Variants in EXTL3 observed in about 807,000 individuals in gnomAD.
EXTL3 encodes the protein exostosin like glycosyltransferase 3.
In EXTL3, 27 loss-of-function variants were observed where a neutral mutation model predicts 69.3. The observed-to-expected ratio is 0.39, with a 90% CI of 0.29 to 0.54. The LOEUF (loss-of-function observed/expected upper bound fraction) is 0.54. EXTL3 is among the 20% of genes least tolerant of loss of function. The pLI, the probability that EXTL3 is intolerant of heterozygous loss-of-function variation, is 0.69. For missense variants in EXTL3, 1,003 were observed against 1,231.8 expected (o/e 0.81, Z 2.78); for synonymous variants, 511 against 499.4 (o/e 1.02, Z -0.31).
chr8:28,689,702 G>A (rs970247551), intron 1 of EXTL3, among the ~76,000 whole-genome samples: 1 of 152,152 alleles, frequency 6.6e-6, no homozygotes, highest in African/African-American at 2.4e-5. Flanking sequence ...TTTAAGGTAT[G>A]GATGAGTCTA....
chr8:28,708,608 T>G (rs1470584836), intron 1 of EXTL3, among the ~76,000 whole-genome samples: 2 of 152,126 alleles, frequency 1.3e-5, no homozygotes, highest in African/African-American at 4.8e-5. Context: ...TGTTAGTACT[T>G]AAAAACAAAA....
At chr8:28,702,177 C>T (rs1024881425) in intron 1 of EXTL3, among the ~76,000 whole-genome samples, 2 of 152,208 alleles carry the variant, frequency 1.3e-5, no homozygotes, top group Non-Finnish European at 2.9e-5. Context: ...CGCTTCTACA[C>T]GCAGTCGCCT....
At position 28,746,811 on chromosome 8, in the gene EXTL3, G is replaced by A. The variant is rs1489466003; in HGVS notation, c.2550+3597G>A. 2.0e-5 allele frequency among the ~76,000 whole-genome samples: 3 copies of A among 152,038 alleles called. No homozygotes were observed. In the East Asian group the frequency reaches 5.8e-4, roughly 29 times the overall value. On this transcript the variant is annotated intron_variant, in intron 6 of 6. Coordinates refer to ENST00000220562, the MANE Select transcript of EXTL3 (RefSeq NM_001440.4). ...CTGCCTCAGTCTTCTGAGTAGCTGG[G>A]ACTATAGGCGTGTGCCACCACGCCC... is the stretch of plus-strand genomic sequence containing the variant.
chr8:28,657,416 C>G (rs1807028561), intron 1 of EXTL3, among the ~76,000 whole-genome samples: 1 of 152,238 alleles, frequency 6.6e-6, no homozygotes. Flanking sequence ...TTGGACAGCT[C>G]CACTCTGCCT....
chr8:28,713,508 A>T lies in EXTL3; in HGVS notation c.-518A>T, dbSNP rs768233651. On this transcript the variant is annotated 5_prime_UTR_variant, in exon 2 of 7. Transcript: ENST00000220562. ...TTCAAGAAGTCGTGTGCTGAGGTGT[A>T]ATGCTACACAAGTCAGAGGAAGGAA... 2 of 702,278 alleles carry T rather than the reference A, an allele frequency of 2.8e-6. No individual in the cohort carries two copies. The highest frequency in any genetic ancestry group is 3.0e-5 in the South Asian group (2 of 67,568). The allele number at this position is 702,278 out of a possible 1,614,324, so 43.5% of individuals were successfully genotyped here. A position where few individuals can be genotyped will look rare whatever the true frequency, so the allele number is the denominator to read the frequency against.
chr8:28,650,111 G>A (rs1806893732), intron 1 of EXTL3, among the ~76,000 whole-genome samples: 1 of 150,092 alleles, frequency 6.7e-6, no homozygotes, highest in African/African-American at 2.5e-5. Flanking sequence ...CAGGAGAATT[G>A]CTTGAACCCA....
intron 3 of EXTL3, among the ~76,000 whole-genome samples, chr8:28,724,862 T>A (rs1801378498): frequency 6.6e-6 from 1 of 151,946 alleles, no homozygotes; most frequent in African/African-American, 2.4e-5. Context: ...GTCGCTCACC[T>A]CCCTCCCATC....
chr8:28,746,706 T>G (rs1026266725), intron 6 of EXTL3, among the ~76,000 whole-genome samples: 11 of 152,200 alleles, frequency 7.2e-5, no homozygotes, highest in Non-Finnish European at 1.5e-4. Flanking sequence ...AGATGGAGTC[T>G]CGCTCTTTTG....
chr8:28,748,779 G>A (rs1801943332), intron 6 of EXTL3, among the ~76,000 whole-genome samples: 1 of 152,080 alleles, frequency 6.6e-6, no homozygotes, highest in African/African-American at 2.4e-5. Flanking sequence ...ATAGTCTTTT[G>A]AGCCTCCATG....
intron 5 of EXTL3, chr8:28,740,959 T>C (rs770529839): frequency 4.6e-5 from 7 of 152,182 alleles, no homozygotes; most frequent in Non-Finnish European, 1.0e-4. Context: ...ACTTTTTTTT[T>C]TCTCTTCTTT....
chr8:28,712,459 C>T (rs1801049907), intron 1 of EXTL3, among the ~76,000 whole-genome samples: 2 of 152,042 alleles, frequency 1.3e-5, no homozygotes, highest in South Asian at 4.1e-4. Context: ...GCAAGTTAAG[C>T]ATGAAATGCT....
intron 1 of EXTL3, among the ~76,000 whole-genome samples, chr8:28,625,876 A>G (rs753413928): frequency 1.3e-5 from 2 of 151,972 alleles, no homozygotes; most frequent in Non-Finnish European, 2.9e-5. Context: ...TCATGGAGGT[A>G]AAGGCCAGGC....
chr8:28,746,460 T>C (rs533615568), intron 6 of EXTL3, among the ~76,000 whole-genome samples: 1 of 152,264 alleles, frequency 6.6e-6, no homozygotes, highest in South Asian at 2.1e-4. Flanking sequence ...TATCAAGGAT[T>C]TTCCTCATTG....
At chr8:28,708,765 T>C (rs1800973071) in intron 1 of EXTL3, among the ~76,000 whole-genome samples, 1 of 152,206 alleles carries the variant, frequency 6.6e-6, no homozygotes, top group Non-Finnish European at 1.5e-5. Context: ...TGGGTTGTCA[T>C]GGAGTTCTGC....
chr8:28,627,488 CAAAA>C (rs35382851), intron 1 of EXTL3, among the ~76,000 whole-genome samples: 6 of 92,956 alleles, frequency 6.5e-5, no homozygotes, highest in African/African-American at 1.3e-4. Flanking sequence ...GACCCTGTCT[CAAAA>C]AAAAAAAAAA....
intron 1 of EXTL3, among the ~76,000 whole-genome samples, chr8:28,627,466 C>T (rs1341670128): frequency 6.7e-6 from 1 of 149,020 alleles, no homozygotes; most frequent in East Asian, 2.0e-4. Context: ...CACTGTATTC[C>T]AGCCTGGGTG....
At chr8:28,632,657 G>A (rs1047720640) in intron 1 of EXTL3, among the ~76,000 whole-genome samples, 2 of 149,962 alleles carry the variant, frequency 1.3e-5, no homozygotes, top group Non-Finnish European at 3.0e-5. Flanking sequence ...GGGTTGAAGC[G>A]ATTCTCCTGC....
chr8:28,701,813 G>A (rs1185269651), intron 1 of EXTL3, among the ~76,000 whole-genome samples, 154 bp downstream of exon 1: 1 of 151,978 alleles, frequency 6.6e-6, no homozygotes, highest in Non-Finnish European at 1.5e-5. Context: ...CCGGCGGCGG[G>A]AGGCATGCAG....
intron 1 of EXTL3, among the ~76,000 whole-genome samples, chr8:28,649,960 G>C (rs1806891285): frequency 6.6e-6 from 1 of 152,006 alleles, no homozygotes; most frequent in Non-Finnish European, 1.5e-5. Context: ...ACTTTGGGAG[G>C]CTGAGGCAGG....
Sources: allele counts gnomAD v4.1 joint callset (sites outside exome capture counted in the v4.1 genomes callset), GRCh38; gene constraint gnomAD v4.1.1; transcripts MANE v1.5; gene names NCBI Gene and HGNC (gene_info 2026-07-23, HGNC 2026-07-21).